Variants in MAGI2 observed in about 807,000 individuals in gnomAD.
MAGI2 encodes the protein membrane associated guanylate kinase, WW and PDZ domain containing 2, also known as membrane-associated guanylate kinase, WW and PDZ domain-containing protein 2.
Under a neutral mutation model 133.3 loss-of-function variants are expected in MAGI2, and 35 were observed. The observed-to-expected ratio is 0.26, with a 90% confidence interval of 0.20 to 0.35. The LOEUF (loss-of-function observed/expected upper bound fraction) is 0.35. Ranked by LOEUF, MAGI2 falls within the 10% of genes least tolerant of loss-of-function variation. The pLI, the probability that MAGI2 is intolerant of heterozygous loss-of-function variation, is 1.00. For synonymous variants in MAGI2, 729 were observed against 710.6 expected (o/e 1.03, Z -0.41); for missense variants, 1,636 against 1,863.4 (o/e 0.88, Z 2.25).
intron 6 of MAGI2, among the ~76,000 whole-genome samples, chr7:78,457,181 A>C (rs1357578089): frequency 6.6e-6 from 1 of 152,190 alleles, no homozygotes; most frequent in Non-Finnish European, 1.5e-5. Context: ...TCAGCAAACT[A>C]GTTGGTTACT....
intron 6 of MAGI2, among the ~76,000 whole-genome samples, chr7:78,488,391 A>C (rs1793266148): frequency 6.6e-6 from 1 of 152,092 alleles, no homozygotes; most frequent in Non-Finnish European, 1.5e-5. Flanking sequence ...TCAAAGGTGC[A>C]AGACAGCTGA....
At chr7:78,563,384 G>A (rs746782859) in intron 3 of MAGI2, among the ~76,000 whole-genome samples, 7 of 152,148 alleles carry the variant, frequency 4.6e-5, no homozygotes, top group African/African-American at 9.7e-5. Context: ...GCACCTTCCC[G>A]TGCCTGGCTA....
intron 10 of MAGI2, among the ~76,000 whole-genome samples, chr7:78,229,277 C>T (rs897949950): frequency 6.6e-6 from 1 of 152,190 alleles, no homozygotes; most frequent in African/African-American, 2.4e-5. Flanking sequence ...TTGTAATTAG[C>T]ACACTGATAG....
chr7:78,787,226 G>C (rs1446541866), intron 2 of MAGI2, among the ~76,000 whole-genome samples: 1 of 152,104 alleles, frequency 6.6e-6, no homozygotes, highest in Non-Finnish European at 1.5e-5. Flanking sequence ...GATTACAGGC[G>C]TGAGCCATTG....
chr7:78,874,356 C>T (rs984285763), intron 2 of MAGI2, among the ~76,000 whole-genome samples: 1 of 152,220 alleles, frequency 6.6e-6, no homozygotes, highest in African/African-American at 2.4e-5. Flanking sequence ...TACACAAGTA[C>T]ATACAAATAT....
chr7:79,228,249 T>G (rs771765408), intron 1 of MAGI2, among the ~76,000 whole-genome samples: 1 of 150,042 alleles, frequency 6.7e-6, no homozygotes, highest in South Asian at 2.1e-4. Flanking sequence ...GAGGCTGAGG[T>G]TGGGGATTGC....
In MAGI2 at chr7:78,080,916, A is replaced by G. The variant is rs549395735; in HGVS notation, c.3568-1831T>C. ...ATGTATCCCATCGCTCACAAGCTCAATTCAGGCCTTTACATGGTTATTCCA... is the reference window on the plus strand; with the variant it reads ...ATGTATCCCATCGCTCACAAGCTCAGTTCAGGCCTTTACATGGTTATTCCA... On this transcript the variant is annotated intron_variant, in intron 20 of 21. Coordinates refer to ENST00000354212, the MANE Select transcript of MAGI2 (RefSeq NM_012301.4). Among the ~76,000 whole-genome samples the G allele has an allele frequency of 3.3e-5, 5 of 152,212 alleles. No individual in the cohort carries two copies. The South Asian group carries it at 1.0e-3, about 32-fold the overall frequency.
At chr7:78,714,705 A>C (rs971537578) in intron 2 of MAGI2, among the ~76,000 whole-genome samples, 3 of 152,206 alleles carry the variant, frequency 2.0e-5, no homozygotes. Flanking sequence ...AAATCAGATG[A>C]ATATCTAAAA....
chr7:79,002,453 C>T (rs1191848975), intron 2 of MAGI2, among the ~76,000 whole-genome samples: 1 of 152,072 alleles, frequency 6.6e-6, no homozygotes, highest in Non-Finnish European at 1.5e-5. Context: ...TGTATTTGCA[C>T]ACACATGAGC....
At chr7:78,886,054 G>A (rs1249396024) in intron 2 of MAGI2, among the ~76,000 whole-genome samples, 3 of 152,202 alleles carry the variant, frequency 2.0e-5, no homozygotes, top group Non-Finnish European at 4.4e-5. Context: ...CTCCTGAGAT[G>A]TGAAAATAAA....
intron 1 of MAGI2, among the ~76,000 whole-genome samples, chr7:79,103,953 G>A (rs1011590503): frequency 9.9e-5 from 15 of 152,008 alleles, no homozygotes; most frequent in Non-Finnish European, 1.2e-4. Flanking sequence ...CACCCACCTC[G>A]GCCTCCTAAG....
chr7:79,408,064 T>C (rs1044526126), intron 1 of MAGI2, among the ~76,000 whole-genome samples: 1 of 152,140 alleles, frequency 6.6e-6, no homozygotes, highest in Non-Finnish European at 1.5e-5. Flanking sequence ...CTGAGATAGC[T>C]AATATTATGC....
At position 78,160,027 on chromosome 7, in the gene MAGI2, A is replaced by G. The variant is rs758963878; in HGVS notation, c.2843T>C (p.Ile948Thr). The G allele has an allele frequency of 7.1e-6, 11 of 1,560,250 alleles. No individual in the cohort carries two copies. The highest frequency in any genetic ancestry group is 5.6e-5 in the Admixed American group (3 of 53,552). The change falls in exon 16 of 22, where the codon ATA (isoleucine) becomes ACA (threonine). Residue 948 changes from isoleucine to threonine, a missense_variant and splice_region_variant. Coordinates refer to ENST00000354212, the MANE Select transcript of MAGI2 (RefSeq NM_012301.4). The stretch of plus-strand genomic sequence containing the variant: ...TGCAGGCAAATTTCAGCACTTACTT[A>G]TAGTGGATCCAGACTCAGGCCTGTT... ...SLNRPESGST[I>T]TVPHKIGRII... is the part of the protein sequence containing the mutation.
intron 4 of MAGI2, among the ~76,000 whole-genome samples, chr7:78,507,250 T>G (rs1220365868): frequency 6.6e-6 from 1 of 152,168 alleles, no homozygotes; most frequent in African/African-American, 2.4e-5. Flanking sequence ...CATTCCCATA[T>G]TTATTACTCA....
Position 78,125,837 on chromosome 7 carries a change from C to G in MAGI2, c.3424G>C (p.Asp1142His). The part of the protein sequence containing the change: ...YPLSDYRQPQ[D>H]FDYFTVDMEK... ...ATGTCCACAGTGAAATAATCAAAAT[C>G]CTTTGGGGTTGGGGAGAAAATGGAA... The change falls in exon 20 of 22, where the codon GAT (aspartate) becomes CAT (histidine). Residue 1142 changes from aspartate (D) to histidine (H), a missense_variant and splice_region_variant. Physicochemically the swap from Asp to His is moderately conservative, Grantham distance 81. Around this residue, in one of 5 missense-constraint regions of MAGI2, gnomAD observed 920 missense variants for 1,093.5 expected, o/e 0.84. Transcript: ENST00000354212. The G allele has an allele frequency of 6.2e-7, 1 of 1,613,902 alleles. No individual in the cohort carries two copies. The highest frequency in any genetic ancestry group is 8.5e-7 in the Non-Finnish European group (1 of 1,179,918).
At chr7:78,932,201 T>A (rs2151659629) in intron 2 of MAGI2, among the ~76,000 whole-genome samples, 1 of 152,252 alleles carries the variant, frequency 6.6e-6, no homozygotes, top group Non-Finnish European at 1.5e-5. Flanking sequence ...GCCTCACATG[T>A]GGCCAAGACC....
chr7:79,312,982 A>C lies in MAGI2; in HGVS notation c.301+140038T>G, dbSNP rs1028673002. Among the ~76,000 whole-genome samples the C allele has an allele frequency of 7.2e-5, 11 of 152,128 alleles. No homozygotes were observed. In the East Asian group the frequency reaches 2.1e-3, roughly 29 times the overall value. On this transcript the variant is annotated intron_variant, in intron 1 of 21. Transcript: ENST00000354212. ...TGAACATTTCTAAATACCTGGGGAG[A>C]GTTTTGGTGAAGTCAACATTTTTTA...
At chr7:78,308,216 T>C (rs1334940043) in intron 9 of MAGI2, among the ~76,000 whole-genome samples, 1 of 152,182 alleles carries the variant, frequency 6.6e-6, no homozygotes, top group Non-Finnish European at 1.5e-5. Flanking sequence ...AAAACTTCTT[T>C]GAGAAGACAG....
At chr7:79,426,375 A>T (rs1449825117) in intron 1 of MAGI2, among the ~76,000 whole-genome samples, 2 of 152,056 alleles carry the variant, frequency 1.3e-5, no homozygotes, top group African/African-American at 4.8e-5. Context: ...TTCATCAAAG[A>T]ACTTCTCAGA....
Sources: allele counts gnomAD v4.1 joint callset (sites outside exome capture counted in the v4.1 genomes callset), GRCh38; gene constraint gnomAD v4.1.1; regional missense constraint gnomAD v4.1.1; transcripts MANE v1.5; gene names NCBI Gene and HGNC (gene_info 2026-07-23, HGNC 2026-07-21).